Variants in ACO1 observed in about 807,000 individuals in gnomAD.
ACO1 encodes the protein cytoplasmic aconitate hydratase.
Under a neutral mutation model 105.1 loss-of-function variants are expected in ACO1, and 78 were observed. The observed-to-expected ratio is 0.74, with a 90% CI of 0.62 to 0.90. The LOEUF (loss-of-function observed/expected upper bound fraction) is 0.90. ACO1 is among the 40% of genes least tolerant of loss of function. ACO1 has a pLI of 0.00. For synonymous variants in ACO1, 364 were observed against 397.4 expected, an observed-to-expected ratio of 0.92 and a Z score of 1.00; for missense variants, 965 against 1,111.1, an observed-to-expected ratio of 0.87 and a Z score of 1.87.
At chr9:32,408,337 T>C (rs988312841) in intron 3 of ACO1, among the ~76,000 whole-genome samples, 177 bp from the exon 4 acceptor site, 5 of 152,216 alleles carry the variant, frequency 3.3e-5, no homozygotes, top group Admixed American at 2.6e-4. Context: ...TTACTACCTA[T>C]GTGATTTCTG....
At chr9:32,426,477 G>A (rs543799512) in intron 11 of ACO1, among the ~76,000 whole-genome samples, 1 of 152,226 alleles carries the variant, frequency 6.6e-6, no homozygotes, top group East Asian at 1.9e-4. Flanking sequence ...TTACATATGT[G>A]GTTTCCCTAC....
chr9:32,417,458 GACTT>G (rs1821875054), intron 4 of ACO1, among the ~76,000 whole-genome samples: 1 of 152,162 alleles, frequency 6.6e-6, no homozygotes, highest in African/African-American at 2.4e-5. Flanking sequence ...TTGTGACTAT[GACTT>G]ATTCTACCTT....
intron 8 of ACO1, 132 bp from the exon 9 acceptor site, chr9:32,423,187 G>T (rs1419468211): frequency 5.6e-6 from 3 of 533,976 alleles, no homozygotes. Flanking sequence ...AAAATTGACA[G>T]AGCTGTTGGT....
intron 19 of ACO1, among the ~76,000 whole-genome samples, chr9:32,443,979 C>G (rs899455193): frequency 6.6e-6 from 1 of 152,256 alleles, no homozygotes; most frequent in African/African-American, 2.4e-5. Flanking sequence ...TAGCCCCTGA[C>G]CCGCCAACAG....
chr9:32,427,912 A>G (rs1822136150), intron 12 of ACO1, among the ~76,000 whole-genome samples: 1 of 152,176 alleles, frequency 6.6e-6, no homozygotes, highest in South Asian at 2.1e-4. Flanking sequence ...TTTTCTTTAT[A>G]TCTTTATTTC....
chr9:32,405,707 T>A, intron 2 of ACO1, 104 bp downstream of exon 2: 1 of 789,296 alleles, frequency 1.3e-6, no homozygotes, highest in Non-Finnish European at 2.0e-6. Context: ...TAGCAGAGAA[T>A]GGGTGAATGT....
intron 1 of ACO1, among the ~76,000 whole-genome samples, chr9:32,388,303 C>T (rs1821195816): frequency 6.6e-6 from 1 of 152,130 alleles, no homozygotes; most frequent in Non-Finnish European, 1.5e-5. Context: ...TTTGAGAGTC[C>T]AGATCGCTTG....
intron 1 of ACO1, among the ~76,000 whole-genome samples, chr9:32,404,747 CCTCT>C (rs952472057): frequency 6.6e-6 from 1 of 152,128 alleles, no homozygotes; most frequent in East Asian, 1.9e-4. Flanking sequence ...TTCTGTGCTG[CCTCT>C]CTGCTTCCTG....
intron 1 of ACO1, among the ~76,000 whole-genome samples, chr9:32,389,103 C>T (rs1050673939): frequency 6.6e-6 from 1 of 152,142 alleles, no homozygotes; most frequent in Non-Finnish European, 1.5e-5. Context: ...TATTGTGCAG[C>T]CTTTACACTG....
At chr9:32,437,714 A>G (rs2118544954) in intron 18 of ACO1, among the ~76,000 whole-genome samples, 1 of 152,294 alleles carries the variant, frequency 6.6e-6, no homozygotes, top group African/African-American at 2.4e-5. Context: ...GGGGAGTGCA[A>G]AAAGTAAAAG....
At chr9:32,420,301 C>A (rs1441091360) in intron 7 of ACO1, among the ~76,000 whole-genome samples, 1 of 152,204 alleles carries the variant, frequency 6.6e-6, no homozygotes, top group African/African-American at 2.4e-5. Flanking sequence ...TTAACTAGTG[C>A]AAGTAGTTAT....
intron 19 of ACO1, among the ~76,000 whole-genome samples, chr9:32,443,455 A>G (rs959915155): frequency 1.3e-5 from 2 of 152,246 alleles, no homozygotes; most frequent in Non-Finnish European, 2.9e-5. Flanking sequence ...TAACAGAGGT[A>G]AAAGGTTACT....
In ACO1 at chr9:32,421,029, T is replaced by C. The variant is rs1301558190; in HGVS notation, c.970+2T>C. ...GTATCACGTACCTGGTGCAAACAGG[T>C]AAGTGAAGGGCCCTGAAAGCATCGG... On this transcript the variant is annotated splice_donor_variant, in intron 8 of 20. Transcript: ENST00000309951. LOFTEE classifies it high-confidence loss of function. 1 of 1,613,496 alleles carries C rather than the reference T, an allele frequency of 6.2e-7. No individual in the cohort carries two copies. The highest frequency in any genetic ancestry group is 8.5e-7 in the Non-Finnish European group (1 of 1,179,574).
chr9:32,438,591 G>T (rs1822412081), intron 18 of ACO1, among the ~76,000 whole-genome samples: 1 of 151,932 alleles, frequency 6.6e-6, no homozygotes, highest in South Asian at 2.1e-4. Context: ...TTAATTAATG[G>T]GTAAGGACAT....
chr9:32,441,465 A>C (rs1822478055), intron 19 of ACO1, among the ~76,000 whole-genome samples: 1 of 152,234 alleles, frequency 6.6e-6, no homozygotes, highest in Admixed American at 6.5e-5. Flanking sequence ...TCTGGCAGGC[A>C]GTTCTCCAGA....
chr9:32,386,560 G>C (rs912561728), intron 1 of ACO1: 2 of 152,168 alleles, frequency 1.3e-5, no homozygotes, highest in East Asian at 3.9e-4. Flanking sequence ...CCTCCCTTTT[G>C]TTCCTTCATC....
At position 32,451,979 on chromosome 9, in the gene ACO1, G is replaced by C. The variant is rs896016222; in HGVS notation, c.*1868G>C. On this transcript the variant is annotated 3_prime_UTR_variant, in exon 21 of 21. Transcript: ENST00000309951. ...CACAGGAGGCTGAGGCAGGAGAATT[G>C]CTTAAACCCGGGATGCAGAGGCTGC... The C allele has an allele frequency of 2.6e-5, 4 of 151,814 alleles. No homozygotes were observed. Among genetic ancestry groups the C allele is most frequent in the African/African-American group, 7.3e-5 (3 of 41,288 alleles). The allele number at this position is 151,814 out of a possible 1,614,324, so 9.4% of individuals were successfully genotyped here. A position where few individuals can be genotyped will look rare whatever the true frequency, so the allele number is the denominator to read the frequency against.
At chr9:32,420,446 A>G (rs1821948032) in intron 7 of ACO1, among the ~76,000 whole-genome samples, 1 of 152,180 alleles carries the variant, frequency 6.6e-6, no homozygotes, top group South Asian at 2.1e-4. Context: ...CTTTCTTTTT[A>G]TAAATAAAAA....
chr9:32,448,480 C>G (rs941697941), intron 19 of ACO1, among the ~76,000 whole-genome samples: 1 of 152,222 alleles, frequency 6.6e-6, no homozygotes, highest in Non-Finnish European at 1.5e-5. Context: ...TGGGACCCAC[C>G]AAGCCAGGCA....
Sources: allele counts gnomAD v4.1 joint callset (sites outside exome capture counted in the v4.1 genomes callset), GRCh38; gene constraint gnomAD v4.1.1; transcripts MANE v1.5; gene names NCBI Gene and HGNC (gene_info 2026-07-23, HGNC 2026-07-21).